The following ZNF804B variants were observed in gnomAD, a reference collection of about 807,000 sequenced individuals.
The protein encoded by ZNF804B is zinc finger protein 804B, also known as zinc finger 804B.
A neutral mutation model predicts 101.4 loss-of-function variants in ZNF804B; 80 were observed. The observed-to-expected ratio is 0.79, with a 90% CI of 0.66 to 0.95. The LOEUF (loss-of-function observed/expected upper bound fraction) is 0.95. Among genes scored for constraint, ZNF804B ranks in the 40% least tolerant of loss-of-function variants. ZNF804B has a pLI of 0.00. For missense variants in ZNF804B, 1,673 were observed against 1,561.9 expected (o/e 1.07, Z -1.20); for synonymous variants, 622 against 558.8 (o/e 1.11, Z -1.59).
In ZNF804B at chr7:88,937,023, A is replaced by G. The variant is rs533953717; in HGVS notation, c.108+176939A>G. ...AGACATGGATATAAAGATATATTGG[A>G]TAATTCTAGCAAAATAGCAGATTAG... On this transcript the variant is annotated intron_variant, in intron 1 of 3. Transcript: ENST00000333190. Among the ~76,000 whole-genome samples, 277 of 151,810 alleles carry G rather than the reference A, an allele frequency of 1.8e-3. 2 individuals are homozygous for G. The highest frequency in any genetic ancestry group is 6.2e-3 in the African/African-American group (256 of 41,412).
At chr7:89,077,747 A>G (rs938976208) in intron 1 of ZNF804B, among the ~76,000 whole-genome samples, 4 of 152,164 alleles carry the variant, frequency 2.6e-5, no homozygotes, top group Non-Finnish European at 5.9e-5. Context: ...AGCTTCCCCA[A>G]GGTTCTCTCT....
At chr7:88,839,176 T>G (rs999936900) in intron 1 of ZNF804B, among the ~76,000 whole-genome samples, 3 of 152,006 alleles carry the variant, frequency 2.0e-5, no homozygotes, top group African/African-American at 7.2e-5. Flanking sequence ...TACCTGCTAT[T>G]TAGAGTTATA....
rs781355486 is a variant in ZNF804B at position 89,254,858 on chromosome 7, CT to C, written c.249+36564del. Among the ~76,000 whole-genome samples, 39 of 151,996 alleles carry C rather than the reference CT, an allele frequency of 2.6e-4. 1 individual carries two copies. The highest frequency in any genetic ancestry group is 4.0e-4 in the Non-Finnish European group (27 of 67,994). On this transcript the variant is annotated intron_variant, in intron 2 of 3. Transcript: ENST00000333190. ...ACGGGGTTTCACCATGTTGGCCAAG[CT>C]GGTTGGGAACTCCTGACCCCAGGCA... is the stretch of plus-strand genomic sequence containing the variant.
intron 1 of ZNF804B, among the ~76,000 whole-genome samples, chr7:88,986,255 T>C (rs1003005293): frequency 5.9e-5 from 9 of 152,240 alleles, no homozygotes; most frequent in Non-Finnish European, 1.2e-4. Flanking sequence ...ATTCTCATAC[T>C]TCCAACCTCT....
intron 1 of ZNF804B, among the ~76,000 whole-genome samples, chr7:88,925,299 C>A (rs1792779563): frequency 1.3e-5 from 2 of 152,160 alleles, no homozygotes; most frequent in Non-Finnish European, 2.9e-5. Flanking sequence ...CTGCTTCCTA[C>A]CTGTTGTAGG....
intron 1 of ZNF804B, among the ~76,000 whole-genome samples, chr7:89,168,960 GA>G (rs1474472964): frequency 1.2e-4 from 19 of 152,062 alleles, no homozygotes; most frequent in Non-Finnish European, 2.6e-4. Flanking sequence ...AGATTCCAAG[GA>G]ATGGAACCTT....
intron 1 of ZNF804B, among the ~76,000 whole-genome samples, chr7:89,060,658 T>G (rs1789365824): frequency 6.6e-6 from 1 of 152,156 alleles, no homozygotes; most frequent in African/African-American, 2.4e-5. Context: ...ATAATGCCAA[T>G]TTGATGTGCT....
At chr7:88,895,907 A>C (rs1792276359) in intron 1 of ZNF804B, among the ~76,000 whole-genome samples, 1 of 152,228 alleles carries the variant, frequency 6.6e-6, no homozygotes, top group Non-Finnish European at 1.5e-5. Flanking sequence ...ACAAGTTTTC[A>C]TGCAGAAGAA....
intron 2 of ZNF804B, among the ~76,000 whole-genome samples, chr7:89,295,674 T>A (rs1044162532): frequency 6.6e-6 from 1 of 152,086 alleles, no homozygotes; most frequent in African/African-American, 2.4e-5. Flanking sequence ...AGTCTGCAAA[T>A]TTGAATCGAT....
intron 1 of ZNF804B, among the ~76,000 whole-genome samples, chr7:88,993,216 T>G (rs1344250122): frequency 6.6e-6 from 1 of 152,038 alleles, no homozygotes; most frequent in Non-Finnish European, 1.5e-5. Flanking sequence ...TTATATCCAT[T>G]AGGAAGAAGG....
intron 1 of ZNF804B, among the ~76,000 whole-genome samples, chr7:88,818,051 G>A (rs1285776339): frequency 1.3e-5 from 2 of 152,162 alleles, no homozygotes; most frequent in African/African-American, 2.4e-5. Context: ...AGGCACTGGA[G>A]CAGAGTGCTA....
chr7:88,764,355 C>A (rs1021249975), intron 1 of ZNF804B, among the ~76,000 whole-genome samples: 3 of 152,092 alleles, frequency 2.0e-5, no homozygotes, highest in African/African-American at 7.2e-5. Context: ...ATATCTTTTT[C>A]TGGGAATGCC....
intron 1 of ZNF804B, among the ~76,000 whole-genome samples, chr7:88,940,100 T>C (rs915329598): frequency 2.0e-5 from 3 of 152,054 alleles, no homozygotes; most frequent in Admixed American, 6.6e-5. Context: ...AAATTAATTA[T>C]GTACTTATTC....
Position 89,335,349 on chromosome 7 carries a change from A to C in ZNF804B, c.2367A>C (p.Glu789Asp), listed in dbSNP as rs1389002554. Residue 789 changes from glutamate (E) to aspartate (D), a missense_variant, in exon 4 of 4, where the codon GAA (glutamate) becomes GAC (aspartate). By Grantham distance (45) the Glu-to-Asp change is conservative. Coordinates refer to ENST00000333190, the MANE Select transcript of ZNF804B (RefSeq NM_181646.5). ...AAGAGAGGAACTGCAAATTGTGGGAATCATTTAAAAATGAAAAATACTCAA... is the reference window on the plus strand; with the variant it reads ...AAGAGAGGAACTGCAAATTGTGGGACTCATTTAAAAATGAAAAATACTCAA... ...PQKERNCKLW[E>D]SFKNEKYSKR... 1 of 1,613,634 alleles carries C rather than the reference A, an allele frequency of 6.2e-7. No homozygotes were observed. Among genetic ancestry groups the C allele is most frequent in the African/African-American group, 1.3e-5 (1 of 74,914 alleles).
rs188996143 is a variant in ZNF804B, at chr7:88,856,381, G to A, written c.108+96297G>A. Among the ~76,000 whole-genome samples, 690 of 152,244 alleles carry A rather than the reference G, an allele frequency of 4.5e-3. 9 individuals are homozygous for A. The highest frequency in any genetic ancestry group is 0.014 in the African/African-American group (575 of 41,530). On this transcript the variant is annotated intron_variant, in intron 1 of 3. Coordinates refer to ENST00000333190, the MANE Select transcript of ZNF804B (RefSeq NM_181646.5). ...CTCTTTGAAGCAACTGTGAATGGGA[G>A]TTCACTCATGATTTGGCTCTCTGTT... is the stretch of plus-strand genomic sequence containing the variant.
intron 2 of ZNF804B, among the ~76,000 whole-genome samples, chr7:89,315,438 T>C (rs575881446): frequency 6.6e-6 from 1 of 152,228 alleles, no homozygotes; most frequent in Non-Finnish European, 1.5e-5. Flanking sequence ...ATTATACCTC[T>C]GCATTTGATT....
chr7:89,228,789 C>T (rs976022619), intron 2 of ZNF804B, among the ~76,000 whole-genome samples: 14 of 152,166 alleles, frequency 9.2e-5, no homozygotes, highest in Admixed American at 5.9e-4. Flanking sequence ...CTTGGGTGGT[C>T]GATGGGACTG....
chr7:89,071,078 CATACTA>C (rs1195937261), intron 1 of ZNF804B, among the ~76,000 whole-genome samples: 1 of 152,048 alleles, frequency 6.6e-6, no homozygotes, highest in Non-Finnish European at 1.5e-5. Flanking sequence ...AATTACTTAT[CATACTA>C]ATACTATGTA....
At chr7:88,854,545 T>TTCCTTTCCTTTCCTTCCCTTCCCTTC (rs1554340277) in intron 1 of ZNF804B, among the ~76,000 whole-genome samples, 8 of 100,478 alleles carry the variant, frequency 8.0e-5, no homozygotes, top group South Asian at 7.5e-4. Flanking sequence ...CTTCCTTCCT[T>TTCCTTTCCTTTCCTTCCCTTCCCTTC]CCTTCCTTCC....
Sources: allele counts gnomAD v4.1 joint callset (sites outside exome capture counted in the v4.1 genomes callset), GRCh38; gene constraint gnomAD v4.1.1; transcripts MANE v1.5; gene names NCBI Gene and HGNC (gene_info 2026-07-23, HGNC 2026-07-21).